Variants in MDGA1 observed in about 807,000 individuals in gnomAD.
MDGA1 encodes the protein MAM domain containing glycosylphosphatidylinositol anchor 1.
In MDGA1, 54 loss-of-function variants were observed where a neutral mutation model predicts 101.5. That is an observed-to-expected ratio of 0.53 (90% CI 0.43 to 0.67). The LOEUF (loss-of-function observed/expected upper bound fraction) is 0.67, where lower values mean the gene tolerates loss of function less well. Among genes scored for constraint, MDGA1 ranks in the 30% least tolerant of loss-of-function variants. MDGA1 has a pLI of 0.00. For missense variants in MDGA1, 1,083 were observed against 1,323.8 expected (o/e 0.82, Z 2.82); for synonymous variants, 533 against 558.3 (o/e 0.95, Z 0.64).
intron 2 of MDGA1, among the ~76,000 whole-genome samples, chr6:37,660,748 G>T (rs556812694): frequency 2.0e-3 from 301 of 152,144 alleles, no homozygotes; most frequent in Middle Eastern, 0.01. Flanking sequence ...TATTCACCTT[G>T]TTGGGTCTAT....
rs1304111568 is a variant in MDGA1, at chr6:37,697,119, C to A, written c.-308G>T. On this transcript the variant is annotated 5_prime_UTR_variant, in exon 1 of 17. Transcript: ENST00000434837. ...CGGCCGCCGAGCCGCCCCGGGTACC[C>A]AGGGCCGTCCGCGCGGGATGCTAGG... 4 of 267,062 alleles carry A rather than the reference C, an allele frequency of 1.5e-5. No individual in the cohort carries two copies. The highest frequency in any genetic ancestry group is 2.8e-5 in the Non-Finnish European group (4 of 144,226). The allele number at this position is 267,062 out of a possible 1,614,324, so 16.5% of individuals were successfully genotyped here. A position where few individuals can be genotyped will look rare whatever the true frequency, so the allele number is the denominator to read the frequency against.
chr6:37,671,972 C>G (rs555398206), intron 1 of MDGA1, among the ~76,000 whole-genome samples: 1 of 152,022 alleles, frequency 6.6e-6, no homozygotes, highest in East Asian at 1.9e-4. Context: ...GAAACCCCAT[C>G]TCTACCAAAA....
intron 1 of MDGA1, among the ~76,000 whole-genome samples, chr6:37,679,136 A>G (rs1441372157): frequency 6.6e-6 from 1 of 152,042 alleles, no homozygotes. Flanking sequence ...TTTTTGGCTA[A>G]AATTTTAGAA....
At position 37,643,965 on chromosome 6, in the gene MDGA1, G is replaced by A. The variant is rs368732590; in HGVS notation, c.2402-22C>T. ...TAGCCTGCGGGGAATGGGGAGATGC[G>A]CCAACAGCCCCCAAGACAGCCAGGC... On this transcript the variant is annotated intron_variant, in intron 13 of 16. Transcript: ENST00000434837. 199 of 1,611,950 alleles carry A rather than the reference G, an allele frequency of 1.2e-4. No homozygotes were observed. In the African/African-American group the frequency reaches 2.1e-3, roughly 17 times the overall value.
At chr6:37,674,751 C>G (rs1761942500) in intron 1 of MDGA1, among the ~76,000 whole-genome samples, 1 of 152,110 alleles carries the variant, frequency 6.6e-6, no homozygotes, top group African/African-American at 2.4e-5. Context: ...TCCCAGGATG[C>G]CAGGATTAAA....
At position 37,697,412 on chromosome 6, in the gene MDGA1, C is replaced by G. The variant is rs1233748404; in HGVS notation, c.-601G>C. 6.6e-6 allele frequency: 1 copy of G among 151,940 alleles called. No homozygotes were observed. The highest frequency in any genetic ancestry group is 1.5e-5 in the Non-Finnish European group (1 of 67,938). 9.4% of individuals were successfully genotyped at this position (151,940 alleles called of 1,614,324 possible). On this transcript the variant is annotated 5_prime_UTR_variant, in exon 1 of 17. Coordinates refer to ENST00000434837, the MANE Select transcript of MDGA1 (RefSeq NM_153487.4). Reference sequence around the variant, plus strand: ...GGCCCTCCTGATCCGGGGAGCAGCGCGGGCTGGGTTCGGCCGAGGGACGAG... The same window carrying G: ...GGCCCTCCTGATCCGGGGAGCAGCGGGGGCTGGGTTCGGCCGAGGGACGAG...
chr6:37,649,833 C>T (rs1761314206), intron 8 of MDGA1: 14 of 656,430 alleles, frequency 2.1e-5, no homozygotes, highest in Admixed American at 1.2e-4. Context: ...CCTTCCTCCT[C>T]CTTCAAAATC....
At chr6:37,672,316 G>A (rs991075124) in intron 1 of MDGA1, among the ~76,000 whole-genome samples, 6 of 151,638 alleles carry the variant, frequency 4.0e-5, no homozygotes, top group Non-Finnish European at 8.8e-5. Context: ...AGCTGGGCAT[G>A]GTGCCACATG....
chr6:37,666,060 G>C (rs189718438), intron 1 of MDGA1, among the ~76,000 whole-genome samples: 59 of 152,180 alleles, frequency 3.9e-4, no homozygotes, highest in African/African-American at 1.3e-3. Context: ...AAGAAATAAA[G>C]CTCTCGGCTG....
chr6:37,654,683 G>A, intron 5 of MDGA1, 117 bp downstream of exon 5: 13 of 1,538,740 alleles, frequency 8.4e-6, no homozygotes, highest in Non-Finnish European at 1.2e-5. Flanking sequence ...AGGAAGAGGA[G>A]GGGAGGGGCC....
At chr6:37,671,364 T>C (rs1351131380) in intron 1 of MDGA1, among the ~76,000 whole-genome samples, 1 of 152,162 alleles carries the variant, frequency 6.6e-6, no homozygotes, top group Non-Finnish European at 1.5e-5. Context: ...CACAACATCC[T>C]GAGAGACAGC....
chr6:37,665,797 C>T (rs568865211), intron 1 of MDGA1, among the ~76,000 whole-genome samples: 28 of 152,206 alleles, frequency 1.8e-4, no homozygotes, highest in Non-Finnish European at 4.0e-4. Flanking sequence ...TGCATTTAAA[C>T]GTTGTCTGCA....
chr6:37,637,845 G>C (rs1763964927), intron 16 of MDGA1: 1 of 525,790 alleles, frequency 1.9e-6, no homozygotes, highest in Non-Finnish European at 3.3e-6. Flanking sequence ...CAGAGTAATT[G>C]CTCAGTAAGT....
intron 8 of MDGA1, 46 bp downstream of exon 8, chr6:37,650,063 C>T: frequency 6.2e-7 from 1 of 1,609,710 alleles, no homozygotes; most frequent in Non-Finnish European, 8.5e-7. Context: ...GGCTGGGAGC[C>T]AGAAGGAAAG....
intron 1 of MDGA1, among the ~76,000 whole-genome samples, chr6:37,675,124 T>C (rs1761950464): frequency 6.6e-6 from 1 of 152,170 alleles, no homozygotes; most frequent in Admixed American, 6.6e-5. Context: ...CTCCAATCAG[T>C]AAAGGCAGGA....
intron 13 of MDGA1, among the ~76,000 whole-genome samples, 168 bp downstream of exon 13, chr6:37,644,329 C>A (rs980059888): frequency 6.6e-6 from 1 of 152,044 alleles, no homozygotes; most frequent in Non-Finnish European, 1.5e-5. Context: ...CAGACTAGGG[C>A]TCCCTGAAAT....
rs758202120 is a variant in MDGA1 at position 37,654,335 on chromosome 6, G to C, written c.921C>G (p.Asn307Lys). Reference sequence around the variant, plus strand: ...TGCCCACATTGTTGGTGGCTGTGCAGTTGTAGTAGCCAGAGTCCCGGGCCT... The same window carrying C: ...TGCCCACATTGTTGGTGGCTGTGCACTTGTAGTAGCCAGAGTCCCGGGCCT... ...SVQARDSGYY[N>K]CTATNNVGNP... The change falls in exon 6 of 17, where the codon AAC (asparagine) becomes AAG (lysine). Residue 307 changes from asparagine to lysine, a missense_variant. Asn to Lys is a moderately conservative substitution (Grantham distance 94, BLOSUM62 0). Coordinates refer to ENST00000434837, the MANE Select transcript of MDGA1 (RefSeq NM_153487.4). 3 of 1,605,252 alleles carry C rather than the reference G, an allele frequency of 1.9e-6. No individual in the cohort carries two copies. The South Asian group carries it at 3.3e-5, about 18-fold the overall frequency.
At position 37,637,331 on chromosome 6, in the gene MDGA1, C is replaced by T. The variant is rs781444719; in HGVS notation, c.*37G>A. On this transcript the variant is annotated 3_prime_UTR_variant, in exon 17 of 17. Coordinates refer to ENST00000434837, the MANE Select transcript of MDGA1 (RefSeq NM_153487.4). ...GTACAATGTGGACACTTTGGTGTGCCGGGGGCAAGGTTGGGGGGGTGGCCA... is the reference window on the plus strand; with the variant it reads ...GTACAATGTGGACACTTTGGTGTGCTGGGGGCAAGGTTGGGGGGGTGGCCA... 1.2e-5 allele frequency: 19 copies of T among 1,550,256 alleles called. No homozygotes were observed. The highest frequency in any genetic ancestry group is 4.5e-5 in the South Asian group (4 of 88,828).
At chr6:37,648,638 C>A in intron 9 of MDGA1, 1 of 366,342 alleles carries the variant, frequency 2.7e-6, no homozygotes. Flanking sequence ...GTCACACGCC[C>A]AGGAAGCGGG....
Sources: allele counts gnomAD v4.1 joint callset (sites outside exome capture counted in the v4.1 genomes callset), GRCh38; gene constraint gnomAD v4.1.1; transcripts MANE v1.5; gene names NCBI Gene and HGNC (gene_info 2026-07-23, HGNC 2026-07-21).